The following ARL13B variants were observed in gnomAD, a reference collection of about 807,000 sequenced individuals.
ARL13B encodes ADP-ribosylation factor-like protein 13B.
A neutral mutation model predicts 56.1 loss-of-function variants in ARL13B; 36 were observed. The observed-to-expected ratio is 0.64, with a 90% CI of 0.49 to 0.85. The LOEUF (loss-of-function observed/expected upper bound fraction) is 0.85, where lower values mean the gene tolerates loss of function less well. Ranked by LOEUF, ARL13B falls within the 40% of genes least tolerant of loss-of-function variation. ARL13B has a pLI of 0.00. For synonymous variants in ARL13B, 178 were observed against 171.1 expected, an observed-to-expected ratio of 1.04 and a Z score of -0.32; for missense variants, 519 against 507.1, an observed-to-expected ratio of 1.02 and a Z score of -0.23.
At chr3:93,990,281 T>G (rs1426964298) in intron 1 of ARL13B, among the ~76,000 whole-genome samples, 1 of 152,122 alleles carries the variant, frequency 6.6e-6, no homozygotes. Flanking sequence ...GTGCTGAGAT[T>G]ACAGGCATGA....
chr3:94,021,840 G>A (rs181087107), intron 3 of ARL13B, among the ~76,000 whole-genome samples: 3 of 152,098 alleles, frequency 2.0e-5, no homozygotes, highest in South Asian at 2.1e-4. Flanking sequence ...ATACCATGTC[G>A]CATTTAATAT....
intron 6 of ARL13B, among the ~76,000 whole-genome samples, chr3:94,041,840 C>G (rs185612943): frequency 2.0e-5 from 3 of 152,050 alleles, no homozygotes; most frequent in African/African-American, 7.2e-5. Context: ...TTTGGGAGGC[C>G]GAGGTGGTTG....
rs558400456 is a variant in ARL13B at position 94,054,641 on chromosome 3, T to C, written c.*1378T>C. On this transcript the variant is annotated 3_prime_UTR_variant, in exon 10 of 10. Coordinates refer to ENST00000394222, the MANE Select transcript of ARL13B (RefSeq NM_001174150.2). ...TGTCGTTTAATATAATTATTTACTT[T>C]AAAAATTGTACTTCAGAACATCAGA... 2.6e-6 allele frequency: 1 copy of C among 379,802 alleles called. No homozygotes were observed. The highest frequency in any genetic ancestry group is 2.1e-5 in the African/African-American group (1 of 46,666). 23.5% of individuals were successfully genotyped at this position (379,802 alleles called of 1,614,324 possible). A position where few individuals can be genotyped will look rare whatever the true frequency, so the allele number is the denominator to read the frequency against.
intron 2 of ARL13B, among the ~76,000 whole-genome samples, chr3:93,997,222 T>C (rs973952328): frequency 3.3e-5 from 5 of 152,170 alleles, no homozygotes; most frequent in Non-Finnish European, 7.3e-5. Flanking sequence ...GCTTGAATCA[T>C]CCTGAAACCA....
chr3:93,988,097 C>G (rs1364820380), intron 1 of ARL13B, among the ~76,000 whole-genome samples: 1 of 152,020 alleles, frequency 6.6e-6, no homozygotes, highest in African/African-American at 2.4e-5. Flanking sequence ...ACACTATATA[C>G]CCAAATTTTC....
At chr3:93,987,674 G>T (rs530117898) in intron 1 of ARL13B, among the ~76,000 whole-genome samples, 158 of 152,016 alleles carry the variant, frequency 1.0e-3, no homozygotes, top group South Asian at 1.9e-3. Context: ...TTTCTGAAAC[G>T]GTCTCTCTCT....
intron 5 of ARL13B, among the ~76,000 whole-genome samples, chr3:94,037,896 C>T (rs377528960): frequency 6.6e-6 from 1 of 152,084 alleles, no homozygotes; most frequent in East Asian, 1.9e-4. Context: ...TTCCAATACT[C>T]CTTACCCTTT....
In ARL13B at chr3:94,034,605, T is replaced by G. The variant is rs151045841; in HGVS notation, c.381-726T>G. ...ACATTTATGTGGACACATTCACACA[T>G]TAGAATTGTAGATGAGCTCAAATAT... On this transcript the variant is annotated intron_variant, in intron 3 of 9. Transcript: ENST00000394222. Among the ~76,000 whole-genome samples, 156 of 152,128 alleles carry G rather than the reference T, an allele frequency of 1.0e-3. 2 individuals carry two copies. The East Asian group carries it at 0.029, about 28-fold the overall frequency.
chr3:94,013,095 T>G (rs1337040537), intron 3 of ARL13B, among the ~76,000 whole-genome samples: 2 of 152,182 alleles, frequency 1.3e-5, no homozygotes, highest in African/African-American at 4.8e-5. Context: ...TATTTTTCTT[T>G]GCACAGAGTT....
intron 3 of ARL13B, among the ~76,000 whole-genome samples, chr3:94,004,487 A>G (rs2076101834): frequency 6.6e-6 from 1 of 152,172 alleles, no homozygotes; most frequent in South Asian, 2.1e-4. Context: ...GCATTTATGC[A>G]TGGTAAACAG....
At chr3:93,981,559 T>G (rs1710216991) in intron 1 of ARL13B, among the ~76,000 whole-genome samples, 1 of 152,014 alleles carries the variant, frequency 6.6e-6, no homozygotes, top group Non-Finnish European at 1.5e-5. Context: ...TTTGAATGTT[T>G]TAAATATAAG....
intron 3 of ARL13B, among the ~76,000 whole-genome samples, chr3:94,022,156 T>G (rs2076462356): frequency 6.6e-6 from 1 of 152,088 alleles, no homozygotes; most frequent in Admixed American, 6.6e-5. Flanking sequence ...AGAGTTTCGC[T>G]GTTGTCACCC....
chr3:94,005,925 G>A (rs1193693894), intron 3 of ARL13B, among the ~76,000 whole-genome samples: 2 of 152,042 alleles, frequency 1.3e-5, no homozygotes, highest in Non-Finnish European at 2.9e-5. Context: ...ACCATCCAGG[G>A]CCAGCCACCG....
chr3:94,045,819 T>C (rs546924237), intron 7 of ARL13B, among the ~76,000 whole-genome samples: 111 of 150,876 alleles, frequency 7.4e-4, no homozygotes, highest in African/African-American at 2.7e-3. Flanking sequence ...GGCGTGGTGG[T>C]GGGCGCCTGT....
intron 2 of ARL13B, chr3:93,996,811 A>G (rs1487986349): frequency 1.8e-5 from 3 of 169,696 alleles, no homozygotes; most frequent in African/African-American, 4.7e-5. Flanking sequence ...CCGTGGACCA[A>G]TATCTGTCTG....
chr3:93,991,144 G>C (rs2075868072), intron 1 of ARL13B, among the ~76,000 whole-genome samples: 1 of 152,122 alleles, frequency 6.6e-6, no homozygotes, highest in Non-Finnish European at 1.5e-5. Flanking sequence ...ATTACCATCT[G>C]ACCAAATGAT....
At chr3:94,046,384 C>T in intron 7 of ARL13B, among the ~76,000 whole-genome samples, 1 of 151,946 alleles carries the variant, frequency 6.6e-6, no homozygotes, top group Non-Finnish European at 1.5e-5. Context: ...TATTTATATA[C>T]TATTCCTTGA....
intron 2 of ARL13B, among the ~76,000 whole-genome samples, chr3:94,003,167 A>C (rs1645844578): frequency 1.3e-5 from 2 of 152,110 alleles, no homozygotes; most frequent in African/African-American, 4.8e-5. Context: ...CTTTATTGTA[A>C]ATATAACTTT....
chr3:94,043,063 GAC>G lies in ARL13B; in HGVS notation c.849_850del (p.Asp283GlufsTer2). On this transcript the variant is annotated frameshift_variant, in exon 7 of 10. Transcript: ENST00000394222. LOFTEE classifies it high-confidence loss of function. The part of the protein sequence containing the change: ...REKKNQKMEK[D>X]SDGCHLKHKM... ...GAAAAAAAACCAAAAAATGGAGAAA[GAC>G]AGTGATGGCTGCCACCTGAAACATA... 1 of 1,612,960 alleles carries G rather than the reference GAC, an allele frequency of 6.2e-7. No homozygotes were observed. The highest frequency in any genetic ancestry group is 8.5e-7 in the Non-Finnish European group (1 of 1,179,786).
Sources: allele counts gnomAD v4.1 joint callset (sites outside exome capture counted in the v4.1 genomes callset), GRCh38; gene constraint gnomAD v4.1.1; transcripts MANE v1.5; gene names NCBI Gene and HGNC (gene_info 2026-07-23, HGNC 2026-07-21).